The following GRM7 variants were observed in gnomAD, a reference collection of about 807,000 sequenced individuals.
GRM7 encodes the protein glutamate metabotropic receptor 7, also known as metabotropic glutamate receptor 7.
Under a neutral mutation model 84.5 loss-of-function variants are expected in GRM7, and 35 were observed. The observed-to-expected ratio is 0.41, with a 90% confidence interval of 0.32 to 0.55. The LOEUF is 0.55. Ranked by LOEUF, GRM7 falls within the 20% of genes least tolerant of loss-of-function variation. The pLI, the probability that GRM7 is intolerant of heterozygous loss-of-function variation, is 0.19. For synonymous variants in GRM7, 487 were observed against 455.1 expected (o/e 1.07, Z -0.89); for missense variants, 1,003 against 1,194.6 (o/e 0.84, Z 2.36).
At chr3:7,198,124 TA>T (rs1397505458) in intron 2 of GRM7, among the ~76,000 whole-genome samples, 1 of 148,162 alleles carries the variant, frequency 6.7e-6, no homozygotes, top group Non-Finnish European at 1.5e-5. Context: ...TAAAGAAGAT[TA>T]ATGAAGTTAA....
chr3:7,328,797 A>AT (rs34407868), intron 4 of GRM7, among the ~76,000 whole-genome samples: 70,108 of 151,544 alleles, frequency 0.46, 16,647 homozygotes, highest in African/African-American at 0.57. Context: ...CTCACAGGTG[A>AT]TTTTTTTTCT....
At chr3:7,276,038 G>C (rs1397277260) in intron 2 of GRM7, among the ~76,000 whole-genome samples, 10 of 152,006 alleles carry the variant, frequency 6.6e-5, no homozygotes, top group Admixed American at 6.6e-4. Flanking sequence ...TCCATGTTAG[G>C]GGCAGCAGTT....
chr3:7,176,661 A>C (rs1237561725), intron 2 of GRM7, among the ~76,000 whole-genome samples: 1 of 152,188 alleles, frequency 6.6e-6, no homozygotes, highest in East Asian at 1.9e-4. Flanking sequence ...CCCATACTGG[A>C]AACTTTGTAG....
At chr3:6,956,767 T>A (rs1328008838) in intron 1 of GRM7, 1 of 381,108 alleles carries the variant, frequency 2.6e-6, no homozygotes, top group Non-Finnish European at 5.2e-6. Flanking sequence ...CTTTAGAGTG[T>A]TACTATGTCT....
At chr3:7,488,950 C>T (rs2124947377) in intron 7 of GRM7, among the ~76,000 whole-genome samples, 1 of 152,060 alleles carries the variant, frequency 6.6e-6, no homozygotes, top group Non-Finnish European at 1.5e-5. Flanking sequence ...TAGATGGTGA[C>T]AGGGTGATAG....
At chr3:7,570,382 A>G (rs1037532774) in intron 7 of GRM7, among the ~76,000 whole-genome samples, 7 of 152,352 alleles carry the variant, frequency 4.6e-5, no homozygotes, top group East Asian at 1.9e-4. Context: ...GTTACTTCGT[A>G]GATACAATGG....
intron 6 of GRM7, among the ~76,000 whole-genome samples, chr3:7,454,263 G>T (rs568948328): frequency 1.3e-5 from 2 of 152,234 alleles, no homozygotes; most frequent in African/African-American, 2.4e-5. Context: ...CCTAAAAGAG[G>T]TGGGTAGAGA....
intron 4 of GRM7, among the ~76,000 whole-genome samples, chr3:7,407,930 A>G (rs993981135): frequency 2.6e-5 from 4 of 152,162 alleles, no homozygotes; most frequent in Non-Finnish European, 4.4e-5. Flanking sequence ...ATAATTTTCT[A>G]TTAAGTTAGC....
intron 1 of GRM7, among the ~76,000 whole-genome samples, chr3:6,963,544 G>C (rs1444315924): frequency 6.6e-6 from 1 of 152,070 alleles, no homozygotes; most frequent in African/African-American, 2.4e-5. Context: ...AGAATTGCTT[G>C]AGCCCAGGAG....
intron 1 of GRM7, among the ~76,000 whole-genome samples, chr3:7,061,866 A>G (rs1197323320): frequency 4.0e-5 from 6 of 151,774 alleles, no homozygotes; most frequent in Admixed American, 1.3e-4. Flanking sequence ...AAGAGTAGAT[A>G]TAAGTGCTGG....
chr3:7,395,696 G>A (rs776135575), intron 4 of GRM7, among the ~76,000 whole-genome samples: 2 of 152,148 alleles, frequency 1.3e-5, no homozygotes, highest in Non-Finnish European at 2.9e-5. Context: ...TGTAAGATAT[G>A]ACTTTGCTTC....
intron 1 of GRM7, among the ~76,000 whole-genome samples, chr3:7,143,012 C>A (rs1440092698): frequency 6.6e-6 from 1 of 152,114 alleles, no homozygotes; most frequent in Non-Finnish European, 1.5e-5. Context: ...TGGAATCTCT[C>A]TTTTTATATA....
chr3:7,461,527 A>C, intron 6 of GRM7, 56 bp from the exon 7 acceptor site: 2 of 1,421,486 alleles, frequency 1.4e-6, no homozygotes, highest in Non-Finnish European at 2.0e-6. Context: ...ATAGTACAAG[A>C]GATATAAGGA....
At position 7,381,834 on chromosome 3, in the gene GRM7, A is replaced by G. The variant is rs1156780; in HGVS notation, c.1034-33189A>G. On this transcript the variant is annotated intron_variant, in intron 4 of 9. Coordinates refer to ENST00000357716, the MANE Select transcript of GRM7 (RefSeq NM_000844.4). ...ATCTTAAAGTGATAATAATGGGAGAATCAATCATTTCTGAGTTGAAGGCAC... is the reference window on the plus strand; with the variant it reads ...ATCTTAAAGTGATAATAATGGGAGAGTCAATCATTTCTGAGTTGAAGGCAC... Among the ~76,000 whole-genome samples, 1,521 of 152,256 alleles carry G rather than the reference A, an allele frequency of 1.0e-2. 17 individuals carry two copies. The highest frequency in any genetic ancestry group is 0.031 in the African/African-American group (1,299 of 41,542).
At chr3:6,869,722 T>G (rs1695056203) in intron 1 of GRM7, among the ~76,000 whole-genome samples, 1 of 152,120 alleles carries the variant, frequency 6.6e-6, no homozygotes. Flanking sequence ...CGTTACTCAG[T>G]GGAATGAAAC....
intron 2 of GRM7, among the ~76,000 whole-genome samples, chr3:7,216,782 T>C (rs960761087): frequency 6.6e-6 from 1 of 152,214 alleles, no homozygotes; most frequent in African/African-American, 2.4e-5. Flanking sequence ...TGTTTTGCTC[T>C]CCCTGTTGAT....
intron 2 of GRM7, among the ~76,000 whole-genome samples, chr3:7,297,929 T>C (rs946677619): frequency 3.3e-5 from 5 of 152,228 alleles, no homozygotes; most frequent in Admixed American, 3.3e-4. Context: ...CTTAGTAAAC[T>C]GATGCATGTT....
At position 7,721,958 on chromosome 3, in the gene GRM7, C is replaced by T. The variant is rs567625197; in HGVS notation, c.2699-18399C>T. 7.9e-5 allele frequency among the ~76,000 whole-genome samples: 12 copies of T among 152,260 alleles called. No individual in the cohort carries two copies. In the South Asian group the frequency reaches 1.7e-3, roughly 21 times the overall value. On this transcript the variant is annotated intron_variant, in intron 9 of 9. Coordinates refer to ENST00000357716, the MANE Select transcript of GRM7 (RefSeq NM_000844.4). ...AACAGTGGCTAATGATGACAGTATG[C>T]GTGGATGGAAGTGGAAATATGTTGA...
Position 7,486,134 on chromosome 3 carries a change from ACT to A in GRM7, c.1515+24415_1515+24416del, listed in dbSNP as rs2124943689. ...ATTTTAAATACTGCTTCTTGAACTG[ACT>A]CTGATCTTAGAATATATTTCATTTT... On this transcript the variant is annotated intron_variant, in intron 7 of 9. Transcript: ENST00000357716. This position sits in a 1 kb window ranked among gnomAD's most constrained non-coding sequence, Gnocchi z 5.5. Among the ~76,000 whole-genome samples the A allele has an allele frequency of 6.6e-6, 1 of 152,234 alleles. No individual in the cohort carries two copies. The highest frequency in any genetic ancestry group is 2.4e-5 in the African/African-American group (1 of 41,544).
Sources: allele counts gnomAD v4.1 joint callset (sites outside exome capture counted in the v4.1 genomes callset), GRCh38; gene constraint gnomAD v4.1.1; non-coding constraint Gnocchi (gnomAD v3.1); transcripts MANE v1.5; gene names NCBI Gene and HGNC (gene_info 2026-07-23, HGNC 2026-07-21).